The following TM4SF1 variants were observed in gnomAD, a reference collection of about 807,000 sequenced individuals.
TM4SF1 encodes transmembrane 4 L six family member 1, also known as transmembrane 4 L6 family member 1.
In TM4SF1, 20 loss-of-function variants were observed where a neutral mutation model predicts 24.5. That is an observed-to-expected ratio of 0.82 (90% CI 0.57 to 1.19). The LOEUF (loss-of-function observed/expected upper bound fraction) is 1.19. Among genes scored for constraint, TM4SF1 ranks in the 50% most tolerant of loss-of-function variants. The pLI is 0.00. For synonymous variants in TM4SF1, 107 were observed against 95.4 expected, an observed-to-expected ratio of 1.12 and a Z score of -0.71; for missense variants, 258 against 248.1, an observed-to-expected ratio of 1.04 and a Z score of -0.27.
In TM4SF1 at chr3:149,377,556, G is replaced by A; in HGVS notation, c.-9C>T. The A allele has an allele frequency of 6.2e-7, 1 of 1,605,560 alleles. No homozygotes were observed. The highest frequency in any genetic ancestry group is 8.5e-7 in the Non-Finnish European group (1 of 1,175,092). On this transcript the variant is annotated 5_prime_UTR_variant, in exon 1 of 5. Transcript: ENST00000305366. ...CACTTCCCATAGCACATGGTGGTCT[G>A]CTAGGTTTTCTCCCCCTTCTCTTTG...
At chr3:149,371,158 A>G (rs1405415962) in intron 4 of TM4SF1, 1 of 154,124 alleles carries the variant, frequency 6.5e-6, no homozygotes, top group Non-Finnish European at 1.4e-5. Flanking sequence ...AGAAAATCCA[A>G]CCAAACAGCA....
Position 149,377,524 on chromosome 3 carries a change from T to C in TM4SF1, c.24A>G (p.Arg8=). The change falls in exon 1 of 5, where the codon CGA becomes CGG. Residue 8 remains arginine, a synonymous_variant. Transcript: ENST00000305366. Reference sequence around the variant, plus strand: ...GCCCCACCAGAGAATGTCCGATGCATCGTGCACACTTCCCATAGCACATGG... The same window carrying C: ...GCCCCACCAGAGAATGTCCGATGCACCGTGCACACTTCCCATAGCACATGG... The part of the protein sequence containing the change: MCYGKCA[R]CIGHSLVGLA... 1 of 1,613,876 alleles carries C rather than the reference T, an allele frequency of 6.2e-7. No individual in the cohort carries two copies. The highest frequency in any genetic ancestry group is 1.3e-5 in the African/African-American group (1 of 75,030).
At chr3:149,373,658 T>A (rs781479581) in intron 3 of TM4SF1, among the ~76,000 whole-genome samples, 11 of 151,990 alleles carry the variant, frequency 7.2e-5, no homozygotes, top group Admixed American at 1.3e-4. Context: ...TAAAAAAAAA[T>A]TTTTGGCTCC....
At chr3:149,371,582 A>G in intron 4 of TM4SF1, 105 bp downstream of exon 4, 1 of 1,148,820 alleles carries the variant, frequency 8.7e-7, no homozygotes, top group Non-Finnish European at 1.3e-6. Context: ...ATCAGAATAA[A>G]TGCTGGTAGG....
chr3:149,371,546 T>A (rs1035105714), intron 4 of TM4SF1, 141 bp downstream of exon 4: 47 of 833,174 alleles, frequency 5.6e-5, no homozygotes, highest in Non-Finnish European at 8.7e-5. Context: ...AAGTGAATGC[T>A]ATAATTGTGT....
intron 3 of TM4SF1, among the ~76,000 whole-genome samples, chr3:149,373,175 A>G (rs976581353): frequency 6.6e-6 from 1 of 152,222 alleles, no homozygotes. Flanking sequence ...TCTGACACAC[A>G]ATAGCCACTC....
Position 149,369,802 on chromosome 3 carries a change from A to G in TM4SF1, c.*64T>C, listed in dbSNP as rs747223745. The G allele has an allele frequency of 6.2e-7, 1 of 1,603,144 alleles. No individual in the cohort carries two copies. Among genetic ancestry groups the G allele is most frequent in the South Asian group, 1.1e-5 (1 of 88,964 alleles). On this transcript the variant is annotated 3_prime_UTR_variant, in exon 5 of 5. Coordinates refer to ENST00000305366, the MANE Select transcript of TM4SF1 (RefSeq NM_014220.3). ...AATACAAAGTTTTACAAATGAATAC[A>G]AGTGAAATATATAAATTACAATGAA...
chr3:149,374,773 G>C (rs867086138), intron 3 of TM4SF1, among the ~76,000 whole-genome samples: 13 of 152,312 alleles, frequency 8.5e-5, no homozygotes, highest in South Asian at 2.1e-4. Context: ...TTTGCCCTGG[G>C]CTTGGGTTAA....
rs1229356111 is a variant in TM4SF1 at position 149,371,842 on chromosome 3, A to G, written c.439T>C (p.Ser147Pro). 3 of 1,614,008 alleles carry G rather than the reference A, an allele frequency of 1.9e-6. No individual in the cohort carries two copies. Among genetic ancestry groups the G allele is most frequent in the Non-Finnish European group, 2.5e-6 (3 of 1,180,012 alleles). The change falls in exon 4 of 5, where the codon TCC becomes CCC. Residue 147 changes from serine to proline, a missense_variant. Ser to Pro is a moderately conservative substitution (Grantham distance 74). Transcript: ENST00000305366. ...GQYLLDTSTW[S>P]ECTEPKHIVE... ...ATGTGCTTGGGTTCAGTGCACTCGG[A>G]CCATGTGGAGGTATCCAGAAGGTAC...
Position 149,377,553 on chromosome 3 carries a change from T to C in TM4SF1, c.-6A>G. The C allele has an allele frequency of 6.2e-7, 1 of 1,606,958 alleles. No individual in the cohort carries two copies. The highest frequency in any genetic ancestry group is 1.9e-4 in the Middle Eastern group (1 of 5,294). ...GCACACTTCCCATAGCACATGGTGG[T>C]CTGCTAGGTTTTCTCCCCCTTCTCT... On this transcript the variant is annotated 5_prime_UTR_variant, in exon 1 of 5. Transcript: ENST00000305366.
chr3:149,369,361 G>A lies in TM4SF1; in HGVS notation c.*505C>T, dbSNP rs553942511. The A allele has an allele frequency of 4.6e-3, 714 of 153,626 alleles. 2 individuals carry two copies. The highest frequency in any genetic ancestry group is 6.3e-3 in the Non-Finnish European group (435 of 69,154). 9.5% of individuals were successfully genotyped at this position (153,626 alleles called of 1,614,324 possible). A position where few individuals can be genotyped will look rare whatever the true frequency, so the allele number is the denominator to read the frequency against. ...TCTAAGTAAATATTTGTTTCTCACA[G>A]AACACAAGGCAGTTCAAAGGGCCTC... On this transcript the variant is annotated 3_prime_UTR_variant, in exon 5 of 5. Transcript: ENST00000305366.
At chr3:149,373,161 A>G (rs1455596764) in intron 3 of TM4SF1, among the ~76,000 whole-genome samples, 2 of 152,240 alleles carry the variant, frequency 1.3e-5, no homozygotes, top group Admixed American at 6.5e-5. Flanking sequence ...CCGCTAGAAC[A>G]GTATCTGACA....
intron 4 of TM4SF1, chr3:149,370,119 G>T: frequency 2.3e-6 from 1 of 439,710 alleles, no homozygotes; most frequent in Non-Finnish European, 4.0e-6. Flanking sequence ...GCAGGATACT[G>T]ATATTGGGTT....
intron 1 of TM4SF1, among the ~76,000 whole-genome samples, chr3:149,376,141 T>C (rs953413845): frequency 3.9e-5 from 6 of 152,226 alleles, no homozygotes; most frequent in African/African-American, 1.4e-4. Flanking sequence ...ATGCAGAATA[T>C]ACCAACAAAT....
At chr3:149,377,295 A>G in intron 1 of TM4SF1, 76 bp downstream of exon 1, 2 of 1,522,528 alleles carry the variant, frequency 1.3e-6, no homozygotes, top group Non-Finnish European at 8.8e-7. Context: ...GCATTACAAA[A>G]AACTTTCCAT....
chr3:149,369,920 T>A, intron 4 of TM4SF1, 40 bp from the exon 5 acceptor site: 2 of 1,586,546 alleles, frequency 1.3e-6, no homozygotes, highest in South Asian at 2.3e-5. Context: ...ATAATCAGGA[T>A]AAATAATGAT....
At chr3:149,377,226 G>T in intron 1 of TM4SF1, 145 bp downstream of exon 1, 4 of 1,061,998 alleles carry the variant, frequency 3.8e-6, no homozygotes, top group Non-Finnish European at 5.4e-6. Flanking sequence ...TCTCGCTTTT[G>T]TATAATCTGC....
intron 4 of TM4SF1, chr3:149,370,145 G>T: frequency 2.8e-6 from 1 of 351,848 alleles, no homozygotes; most frequent in Non-Finnish European, 5.1e-6. Flanking sequence ...GAGTGCATTT[G>T]TGTGGGGTTT....
At chr3:149,375,160 G>A (rs917716270) in intron 3 of TM4SF1, among the ~76,000 whole-genome samples, 31 of 152,124 alleles carry the variant, frequency 2.0e-4, no homozygotes, top group African/African-American at 6.0e-4. Context: ...AGCTATGATT[G>A]TGCCACTGCA....
Sources: allele counts gnomAD v4.1 joint callset (sites outside exome capture counted in the v4.1 genomes callset), GRCh38; gene constraint gnomAD v4.1.1; transcripts MANE v1.5; gene names NCBI Gene and HGNC (gene_info 2026-07-23, HGNC 2026-07-21).